The following SMG1 variants were observed in gnomAD, a reference collection of about 807,000 sequenced individuals.
The protein encoded by SMG1 is SMG1 nonsense mediated mRNA decay associated PI3K related kinase.
SMG1 carries 22 observed loss-of-function variants against 419.9 expected under a neutral mutation model. The ratio of observed to expected loss-of-function variants is 0.05; its 90% CI spans 0.04 to 0.07. The LOEUF (loss-of-function observed/expected upper bound fraction) is 0.07. Among genes scored for constraint, SMG1 ranks in the 10% least tolerant of loss-of-function variants. The pLI is 1.00. For missense variants in SMG1, 3,185 were observed against 4,342.0 expected (o/e 0.73, Z 7.49); for synonymous variants, 1,538 against 1,553.5 (o/e 0.99, Z 0.23).
intron 19 of SMG1, 109 bp downstream of exon 19, chr16:18,869,741 GTTAC>G (rs1261922637): frequency 8.4e-6 from 7 of 834,354 alleles, no homozygotes; most frequent in Non-Finnish European, 9.5e-6. Context: ...TGAGAAGAAT[GTTAC>G]TTGATACTCT....
chr16:18,855,861 G>C (rs904518982), intron 29 of SMG1, among the ~76,000 whole-genome samples: 1 of 152,124 alleles, frequency 6.6e-6, no homozygotes, highest in African/African-American at 2.4e-5. Context: ...CTGCTTAAAA[G>C]CCTCTGATGA....
At chr16:18,901,575 A>T (rs553531210) in intron 1 of SMG1, among the ~76,000 whole-genome samples, 47 of 152,304 alleles carry the variant, frequency 3.1e-4, no homozygotes, top group African/African-American at 1.1e-3. Context: ...AGATATACTT[A>T]ACTATTGTAA....
At position 18,815,532 on chromosome 16, in the gene SMG1, G is replaced by T; in HGVS notation, c.10422C>A (p.Val3474=). 6.2e-7 allele frequency: 1 copy of T among 1,613,900 alleles called. No individual in the cohort carries two copies. The highest frequency in any genetic ancestry group is 1.7e-5 in the Admixed American group (1 of 60,010). The stretch of plus-strand genomic sequence containing the variant: ...GACTTCGAACCTGACCCATAGCCTG[G>T]ACTAATGTAAATAGAACTGTTTGAA... ...DNIQTVLFTL[V]QAMGQVRSQE... Residue 3474 remains valine (V), a synonymous_variant, in exon 59 of 63, where the codon GTC becomes GTA. Transcript: ENST00000446231.
chr16:18,895,810 C>T (rs1404868307), intron 3 of SMG1, among the ~76,000 whole-genome samples: 2 of 152,116 alleles, frequency 1.3e-5, no homozygotes, highest in African/African-American at 2.4e-5. Context: ...TCAATATCCA[C>T]GATAATTGGG....
chr16:18,837,461 G>A lies in SMG1; in HGVS notation c.7414-18C>T, dbSNP rs1227347279. 5.0e-6 allele frequency: 8 copies of A among 1,600,388 alleles called. No individual in the cohort carries two copies. The highest frequency in any genetic ancestry group is 1.3e-5 in the African/African-American group (1 of 74,438). ...CAGTTCACCTGTAAAAAGATATTAC[G>A]ATTAAGAAGACTCTTACAGGGCCAA... On this transcript the variant is annotated intron_variant, in intron 45 of 62. Transcript: ENST00000446231.
Position 18,829,449 on chromosome 16 carries a change from T to A in SMG1, c.9440A>T (p.Gln3147Leu). The change falls in exon 54 of 63, where the codon CAG (glutamine) becomes CTG (leucine). Residue 3147 changes from glutamine to leucine, a missense_variant. Physicochemically the swap from Gln to Leu is moderately radical, Grantham distance 113. Transcript: ENST00000446231. ...LCKKAVEHNI[Q>L]IGKFSQLVMN... ...AACCAGCTGAGAGAACTTCCCTATCTGGATGTTATGTTCCACCGCTTTCTT... is the reference window on the plus strand; with the variant it reads ...AACCAGCTGAGAGAACTTCCCTATCAGGATGTTATGTTCCACCGCTTTCTT... 2 of 1,614,056 alleles carry A rather than the reference T, an allele frequency of 1.2e-6. No homozygotes were observed. The highest frequency in any genetic ancestry group is 1.7e-6 in the Non-Finnish European group (2 of 1,179,910).
rs557376266 is a variant in SMG1 at position 18,868,361 on chromosome 16, G to A, written c.3031-7C>T. On this transcript the variant is annotated splice_polypyrimidine_tract_variant and splice_region_variant and intron_variant, in intron 21 of 62. Coordinates refer to ENST00000446231, the MANE Select transcript of SMG1 (RefSeq NM_015092.5). ...AGAAAAAAGTTCTAATGACCTTTAC[G>A]ATAAGAGAAAGAAAAGCTCAGGACT... The A allele has an allele frequency of 7.6e-5, 99 of 1,297,038 alleles. No individual in the cohort carries two copies. In the African/African-American group the frequency reaches 9.1e-4, roughly 12 times the overall value. 80.3% of individuals were successfully genotyped at this position (1,297,038 alleles called of 1,614,324 possible).
chr16:18,827,303 G>GT (rs1215416576), intron 55 of SMG1, among the ~76,000 whole-genome samples: 1 of 151,762 alleles, frequency 6.6e-6, no homozygotes, highest in African/African-American at 2.4e-5. Context: ...GTGCGTGCCT[G>GT]TAGTCCCAGC....
chr16:18,899,699 G>C (rs1483472843), intron 1 of SMG1, among the ~76,000 whole-genome samples: 1 of 152,100 alleles, frequency 6.6e-6, no homozygotes, highest in Non-Finnish European at 1.5e-5. Context: ...AGAAACTGCA[G>C]ATTTGAACTC....
At chr16:18,837,971 T>C in intron 45 of SMG1, 43 bp downstream of exon 45, 1 of 1,586,808 alleles carries the variant, frequency 6.3e-7, no homozygotes, top group Non-Finnish European at 8.6e-7. Flanking sequence ...TTTACTCTAT[T>C]AATAAAAAGA....
Position 18,839,864 on chromosome 16 carries a change from G to A in SMG1, c.6779C>T (p.Ala2260Val). 6.2e-7 allele frequency: 1 copy of A among 1,613,274 alleles called. No individual in the cohort carries two copies. The highest frequency in any genetic ancestry group is 8.5e-7 in the Non-Finnish European group (1 of 1,179,524). Residue 2260 changes from alanine (A) to valine (V), a missense_variant, in exon 42 of 63, where the codon GCT becomes GTT. Ala to Val is a moderately conservative substitution (Grantham distance 64). Coordinates refer to ENST00000446231, the MANE Select transcript of SMG1 (RefSeq NM_015092.5). ...CAGGCTAAGCCCAACTGTTTTCAAA[G>A]CAGGGCCAATTTTACTGTAATAAAG... ...SELYYSKIGP[A>V]LKTVGLSLDV...
In SMG1 at chr16:18,829,996, G is replaced by GA; in HGVS notation, c.9062dup (p.Phe3022LeufsTer9). 1 of 1,590,328 alleles carries GA rather than the reference G, an allele frequency of 6.3e-7. No homozygotes were observed. Among genetic ancestry groups the GA allele is most frequent in the Non-Finnish European group, 8.6e-7 (1 of 1,167,932 alleles). On this transcript the variant is annotated frameshift_variant, in exon 53 of 63. Transcript: ENST00000446231. LOFTEE classifies it high-confidence loss of function. ...TAATAGTCTGTAGTCTTTTTAGAAA[G>GA]AAAATCTCTTCTAGCACCTGCCGGT...
chr16:18,827,973 T>C (rs1015440733), intron 55 of SMG1, 58 bp downstream of exon 55: 21 of 1,541,582 alleles, frequency 1.4e-5, no homozygotes, highest in African/African-American at 6.8e-5. Flanking sequence ...CTAACAATCA[T>C]AGTATTGGTT....
intron 39 of SMG1, among the ~76,000 whole-genome samples, chr16:18,843,500 G>A (rs1178251919): frequency 6.6e-6 from 1 of 152,104 alleles, no homozygotes; most frequent in Non-Finnish European, 1.5e-5. Context: ...GTGAAAAAAT[G>A]TAAAGCAATT....
chr16:18,839,508 C>T (rs910169339), intron 42 of SMG1, among the ~76,000 whole-genome samples, 190 bp downstream of exon 42: 12 of 152,130 alleles, frequency 7.9e-5, no homozygotes, highest in Non-Finnish European at 1.8e-4. Flanking sequence ...ATAACTCTTT[C>T]CCCATCCTGC....
At position 18,915,266 on chromosome 16, in the gene SMG1, C is replaced by A. The variant is rs893078061; in HGVS notation, c.92+10684G>T. Reference sequence around the variant, plus strand: ...GAGATTACAGGTGTGAGCCACTGCACGTGGCCAAATTACCGTATTCTTTCT... The same window carrying A: ...GAGATTACAGGTGTGAGCCACTGCAAGTGGCCAAATTACCGTATTCTTTCT... On this transcript the variant is annotated intron_variant, in intron 1 of 62. Transcript: ENST00000446231. 2.0e-5 allele frequency among the ~76,000 whole-genome samples: 3 copies of A among 152,094 alleles called. No individual in the cohort carries two copies. In the South Asian group the frequency reaches 6.2e-4, roughly 31 times the overall value.
rs949255385 is a variant in SMG1 at position 18,858,892 on chromosome 16, T to C, written c.4113+130A>G. On this transcript the variant is annotated intron_variant, in intron 28 of 62. Coordinates refer to ENST00000446231, the MANE Select transcript of SMG1 (RefSeq NM_015092.5). ...AATGAAAAACTGCCTGAAAACAGCA[T>C]GTTAGATTTCTGGATCTACTAGCTT... The C allele has an allele frequency of 5.7e-5, 39 of 681,190 alleles. No individual in the cohort carries two copies. In the African/African-American group the frequency reaches 5.8e-4, roughly 10 times the overall value. 42.2% of individuals were successfully genotyped at this position (681,190 alleles called of 1,614,324 possible). A position where few individuals can be genotyped will look rare whatever the true frequency, so the allele number is the denominator to read the frequency against.
intron 1 of SMG1, among the ~76,000 whole-genome samples, chr16:18,921,354 G>A (rs2038193555): frequency 6.6e-6 from 1 of 151,636 alleles, no homozygotes; most frequent in African/African-American, 2.4e-5. Context: ...TCAAAACAGA[G>A]GAAAGAAAAG....
chr16:18,914,743 CAAG>C (rs1014286815), intron 1 of SMG1, among the ~76,000 whole-genome samples: 11 of 152,074 alleles, frequency 7.2e-5, no homozygotes, highest in Admixed American at 5.2e-4. Context: ...ACGCAACTGA[CAAG>C]AAGTGTGTTT....
Sources: gnomAD v4.1 joint callset for allele counts (sites outside exome capture counted in the v4.1 genomes callset) on GRCh38, gnomAD v4.1.1 for gene constraint, MANE v1.5 for transcripts, NCBI Gene and HGNC (gene_info 2026-07-23, HGNC 2026-07-21) for gene names.